The following ZNF846 variants were observed in gnomAD, a reference collection of about 807,000 sequenced individuals.
The protein encoded by ZNF846 is zinc finger protein 420 pseudogene.
ZNF846 carries 15 observed loss-of-function variants against 16.0 expected under a neutral mutation model. The ratio of observed to expected loss-of-function variants is 0.94; its 90% confidence interval spans 0.63 to 1.45. The LOEUF is 1.45. ZNF846 is among the 40% of genes most tolerant of loss of function. The probability of loss-of-function intolerance (pLI) is 0.00; values close to 1 mark genes in which losing one functional copy is unlikely to be tolerated. For synonymous variants in ZNF846, 229 were observed against 212.0 expected, an observed-to-expected ratio of 1.08 and a Z score of -0.70; for missense variants, 714 against 622.3, an observed-to-expected ratio of 1.15 and a Z score of -1.57.
intron 1 of ZNF846, among the ~76,000 whole-genome samples, chr19:9,775,416 C>G (rs1282399923): frequency 6.6e-6 from 1 of 151,936 alleles, no homozygotes; most frequent in Admixed American, 6.6e-5. Context: ...GAACAGGAAA[C>G]AGACAAATGG....
In ZNF846 at chr19:9,777,136, AACACACACACACGCACACACAC is replaced by A. The variant is rs59727958; in HGVS notation, c.-86+8780_-86+8801del. ...AAAAAGAAGAAGAAGAACGAAAGAA[AACACACACACACGCACACACAC>A]ACACACACACACACACACAATTGGA... On this transcript the variant is annotated intron_variant, in intron 1 of 4. Coordinates refer to the ZNF846 transcript ENST00000586814. Among the ~76,000 whole-genome samples the A allele has an allele frequency of 8.3e-3, 1,239 of 149,554 alleles. 10 individuals carry two copies. Among genetic ancestry groups the A allele is most frequent in the African/African-American group, 0.03 (1,196 of 40,032 alleles).
At chr19:9,778,587 C>T (rs905905386) in intron 1 of ZNF846, among the ~76,000 whole-genome samples, 1 of 152,070 alleles carries the variant, frequency 6.6e-6, no homozygotes, top group African/African-American at 2.4e-5. Flanking sequence ...GATGGATCAC[C>T]TGAGGTCAGG....
chr19:9,781,777 A>ATTT (rs112251619), intron 1 of ZNF846, among the ~76,000 whole-genome samples: 1 of 139,992 alleles, frequency 7.1e-6, no homozygotes, highest in Non-Finnish European at 1.6e-5. Context: ...AGGGCAAACA[A>ATTT]TTTTTTTTTT....
chr19:9,756,662 G>A (rs1599382328), downstream of ZNF846: 1 of 151,442 alleles, frequency 6.6e-6, no homozygotes, highest in Middle Eastern at 3.4e-3. Flanking sequence ...TTGATGTTGA[G>A]TTATTAAAAG....
chr19:9,760,453 C>A (rs895159220), intron 4 of ZNF846, among the ~76,000 whole-genome samples: 1 of 151,440 alleles, frequency 6.6e-6, no homozygotes, highest in African/African-American at 2.4e-5. Context: ...ATAATCCCAG[C>A]ACTTTGGGAG....
chr19:9,775,657 G>A lies in ZNF846; in HGVS notation c.-86+10281C>T, dbSNP rs573265102. Among the ~76,000 whole-genome samples the A allele has an allele frequency of 3.9e-5, 6 of 152,324 alleles. No individual in the cohort carries two copies. The East Asian group carries it at 1.2e-3, about 29-fold the overall frequency. On this transcript the variant is annotated intron_variant, in intron 1 of 4. Transcript: ENST00000586814. ...GTGAAAAACAAAAATATATGCATAT[G>A]TAGGGTATTTGAATGATTTTTGGGT...
chr19:9,758,064 T>C lies in ZNF846; in HGVS notation c.1013A>G (p.Tyr338Cys), dbSNP rs1568321364. 2.9e-5 allele frequency: 47 copies of C among 1,613,420 alleles called. No individual in the cohort carries two copies. The highest frequency in any genetic ancestry group is 3.7e-5 in the Non-Finnish European group (44 of 1,180,024). Reference sequence around the variant, plus strand: ...AGCTTTTCCACACTCCTTACATTCATATGGCTTTTCTCCAGTGTGAATTCG... The same window carrying C: ...AGCTTTTCCACACTCCTTACATTCACATGGCTTTTCTCCAGTGTGAATTCG... The change falls in exon 6 of 6, where the codon TAT becomes TGT. Residue 338 changes from tyrosine to cysteine, a missense_variant. Coordinates refer to ENST00000397902, the Ensembl canonical transcript of ZNF846.
At chr19:9,758,442 G>T in exon 6 of ZNF846, 2 of 1,613,244 alleles carry the variant, frequency 1.2e-6, no homozygotes, top group Non-Finnish European at 1.7e-6. Context: ...TAACTTAAGG[G>T]ATGACTGATT....
downstream of ZNF846, chr19:9,752,475 C>A (rs1409875327): frequency 2.4e-6 from 1 of 409,268 alleles, no homozygotes. Context: ...ATTAGCTGAG[C>A]TTGGTGGTGC....
Position 9,758,756 on chromosome 19 carries a change from G to T in ZNF846, c.321C>A (p.Ser107Arg), listed in dbSNP as rs1425107677. The change falls in exon 6 of 6, where the codon AGC becomes AGA. Residue 107 changes from serine to arginine, a missense_variant. Coordinates refer to ENST00000397902, the Ensembl canonical transcript of ZNF846. ...AGTCATACAGTTTCTCTGCAGTATT[G>T]CTTCTCTCCTGTTGAGATATAAAAG... 1.0e-5 allele frequency: 16 copies of T among 1,561,002 alleles called. No individual in the cohort carries two copies. In the South Asian group the frequency reaches 1.6e-4, roughly 15 times the overall value.
intron 1 of ZNF846, chr19:9,774,941 G>A: frequency 6.2e-7 from 1 of 1,609,410 alleles, no homozygotes. Flanking sequence ...GAAATATGGG[G>A]AAAGTGACCT....
chr19:9,756,345 G>GTGTGTATA (rs1321690890), downstream of ZNF846: 300 of 81,736 alleles, frequency 3.7e-3, 1 homozygote, highest in Middle Eastern at 7.1e-3. Context: ...GTGTGTGTGT[G>GTGTGTATA]TATATATATA....
chr19:9,765,550 G>T (rs572128536), intron 1 of ZNF846, among the ~76,000 whole-genome samples: 1 of 152,172 alleles, frequency 6.6e-6, no homozygotes, highest in Admixed American at 6.5e-5. Context: ...GCGTGTGCCT[G>T]TAGTCCCAGC....
downstream of ZNF846, among the ~76,000 whole-genome samples, chr19:9,751,612 T>G (rs923172187): frequency 6.6e-6 from 1 of 152,214 alleles, no homozygotes; most frequent in African/African-American, 2.4e-5. Flanking sequence ...TCCCATCCCT[T>G]GTGACAATAC....
At chr19:9,771,600 A>T (rs2045391406), upstream of ZNF846, among the ~76,000 whole-genome samples, 1 of 152,158 alleles carries the variant, frequency 6.6e-6, no homozygotes, top group South Asian at 2.1e-4. Context: ...GTCTCTATCC[A>T]GGTTGCTCAG....
At chr19:9,778,348 TC>T (rs1317222638) in intron 1 of ZNF846, among the ~76,000 whole-genome samples, 1 of 152,200 alleles carries the variant, frequency 6.6e-6, no homozygotes, top group Admixed American at 6.5e-5. Context: ...CCCAGACCTC[TC>T]CATGGATGAT....
Position 9,758,520 on chromosome 19 carries a change from G to GT in ZNF846, c.556dup (p.Thr186AsnfsTer2). On this transcript the variant is annotated frameshift_variant, in exon 6 of 6. Transcript: ENST00000397902. LOFTEE classifies it low-confidence loss of function (END_TRUNC). ...TTGTGTGTGAGTTTTATTCTGCCTA[G>GT]TAAGATTTGGAAACTGGTTGAAGGC... 2 of 1,613,462 alleles carry GT rather than the reference G, an allele frequency of 1.2e-6. No individual in the cohort carries two copies. The highest frequency in any genetic ancestry group is 2.2e-5 in the South Asian group (2 of 91,054).
chr19:9,749,457 T>C (rs1049103277), downstream of ZNF846, among the ~76,000 whole-genome samples: 2 of 152,098 alleles, frequency 1.3e-5, no homozygotes, highest in Non-Finnish European at 2.9e-5. Context: ...CTGGTTTTAC[T>C]TCAAATAGCC....
chr19:9,750,155 A>G (rs919001638), downstream of ZNF846, among the ~76,000 whole-genome samples: 17 of 152,196 alleles, frequency 1.1e-4, no homozygotes, highest in African/African-American at 3.9e-4. Flanking sequence ...GCTCTCTATC[A>G]TTACTGACAA....
Sources: gnomAD v4.1 joint callset for allele counts (sites outside exome capture counted in the v4.1 genomes callset) on GRCh38, gnomAD v4.1.1 for gene constraint, MANE v1.5 for transcripts, NCBI Gene and HGNC (gene_info 2026-07-23, HGNC 2026-07-21) for gene names.